Variants in GOLGA4 observed in about 807,000 individuals in gnomAD.
GOLGA4 encodes golgin subfamily A member 4.
GOLGA4 carries 169 observed loss-of-function variants against 265.9 expected under a neutral mutation model. That is an observed-to-expected ratio of 0.64 (90% CI 0.56 to 0.72). The LOEUF (loss-of-function observed/expected upper bound fraction) is 0.72. Among genes scored for constraint, GOLGA4 ranks in the 30% least tolerant of loss-of-function variants. The pLI is 0.00. For synonymous variants in GOLGA4, 923 were observed against 855.8 expected, an observed-to-expected ratio of 1.08 and a Z score of -1.37; for missense variants, 2,482 against 2,483.4, an observed-to-expected ratio of 1.00 and a Z score of 0.01.
At chr3:37,250,678 G>A (rs909985409) in intron 1 of GOLGA4, 4 of 152,068 alleles carry the variant, frequency 2.6e-5, no homozygotes, top group African/African-American at 9.7e-5. Flanking sequence ...TGGGTGTAGG[G>A]GGATTTCAAA....
chr3:37,312,932 G>GT (rs1453692584), intron 10 of GOLGA4, among the ~76,000 whole-genome samples: 2 of 152,144 alleles, frequency 1.3e-5, no homozygotes, highest in Admixed American at 1.3e-4. Flanking sequence ...AAATTGGATA[G>GT]ATTTGCTTTT....
chr3:37,315,937 C>T (rs1209121036), intron 11 of GOLGA4, among the ~76,000 whole-genome samples: 1 of 152,030 alleles, frequency 6.6e-6, no homozygotes, highest in Non-Finnish European at 1.5e-5. Flanking sequence ...AAGGTACTTG[C>T]CTAATGTGTG....
intron 4 of GOLGA4, among the ~76,000 whole-genome samples, chr3:37,288,379 G>A (rs979705189): frequency 1.1e-4 from 17 of 151,880 alleles, no homozygotes; most frequent in Admixed American, 9.8e-4. Flanking sequence ...AAAGTGCTGG[G>A]ATTACAGGCG....
chr3:37,257,961 G>A (rs9863832), intron 2 of GOLGA4, among the ~76,000 whole-genome samples: 965 of 85,260 alleles, frequency 0.011, 81 homozygotes, highest in African/African-American at 0.024. Flanking sequence ...ATGTATATAT[G>A]TATATATACA....
In GOLGA4 at chr3:37,362,780, C is replaced by CCTTTTTTTTTTTTTTTTTTTTTTTT. The variant is rs1375290747; in HGVS notation, c.*33+1475_*33+1476insCTTTTTTTTTTTTTTTTTTTTTTTT. ...CGATCTTCCTACCTCAGCCTCTAAG[C>CCTTTTTTTTTTTTTTTTTTTTTTTT]TTTTTTTTTTTTTTTTTTTTGAGAC... On this transcript the variant is annotated intron_variant, in intron 23 of 23. Transcript: ENST00000361924. 2.0e-4 allele frequency among the ~76,000 whole-genome samples: 15 copies of CCTTTTTTTTTTTTTTTTTTTTTTTT among 75,458 alleles called. 1 individual carries two copies. The highest frequency in any genetic ancestry group is 6.7e-4 in the African/African-American group (13 of 19,484). 49.5% of individuals were successfully genotyped at this position (75,458 alleles called of 152,430 possible).
chr3:37,337,059 C>A, intron 17 of GOLGA4, 84 bp from the exon 18 acceptor site: 3 of 905,726 alleles, frequency 3.3e-6, no homozygotes, highest in Non-Finnish European at 5.2e-6. Flanking sequence ...CTTCCTTTTT[C>A]CTTATATCTT....
chr3:37,275,231 A>AAC (rs2096812309), intron 2 of GOLGA4, among the ~76,000 whole-genome samples: 1 of 149,960 alleles, frequency 6.7e-6, no homozygotes, highest in African/African-American at 2.5e-5. Flanking sequence ...AAAAAAAAAA[A>AAC]AAAAAAAAAA....
At chr3:37,337,609 T>C in intron 18 of GOLGA4, 57 bp from the exon 19 acceptor site, 1 of 1,157,294 alleles carries the variant, frequency 8.6e-7, no homozygotes, top group African/African-American at 1.5e-5. Flanking sequence ...TGCAGAAATG[T>C]GTCTGGGCAA....
At chr3:37,328,905 A>G in intron 15 of GOLGA4, 58 bp from the exon 16 acceptor site, 1 of 1,349,334 alleles carries the variant, frequency 7.4e-7, no homozygotes, top group South Asian at 1.5e-5. Flanking sequence ...AAATTGAGAT[A>G]CAAATATTAA....
rs545072656 is a variant in GOLGA4, at chr3:37,244,857, C to A, written c.72+1235C>A. On this transcript the variant is annotated intron_variant, in intron 1 of 23. Coordinates refer to ENST00000361924, the MANE Select transcript of GOLGA4 (RefSeq NM_002078.5). The stretch of plus-strand genomic sequence containing the variant: ...TCCTTTTCATACCATCTATTGCAGT[C>A]ATTTACAATTTTACAAAACACTGTT... Among the ~76,000 whole-genome samples, 13 of 152,232 alleles carry A rather than the reference C, an allele frequency of 8.5e-5. No individual in the cohort carries two copies. In the South Asian group the frequency reaches 2.3e-3, roughly 27 times the overall value.
chr3:37,336,909 G>A (rs554100034), intron 17 of GOLGA4, among the ~76,000 whole-genome samples: 3 of 151,874 alleles, frequency 2.0e-5, no homozygotes, highest in African/African-American at 4.8e-5. Flanking sequence ...GCATCTTCTG[G>A]TGCTTCTGTA....
chr3:37,363,476 T>C (rs1490478156), intron 23 of GOLGA4, among the ~76,000 whole-genome samples: 2 of 152,210 alleles, frequency 1.3e-5, no homozygotes, highest in Non-Finnish European at 2.9e-5. Flanking sequence ...AATAGTACAA[T>C]GAACACCCAT....
intron 2 of GOLGA4, 109 bp downstream of exon 2, chr3:37,251,593 T>C: frequency 1.5e-6 from 1 of 648,490 alleles, no homozygotes; most frequent in South Asian, 1.9e-5. Context: ...ATTTAATTCC[T>C]AGGTAGAGTT....
At position 37,328,699 on chromosome 3, in the gene GOLGA4, A is replaced by G. The variant is rs560677039; in HGVS notation, c.6061+162A>G. ...TAATGGGAACCTGCCCTGCTTGGCA[A>G]TGACTTACCTTAAGGAGAGAGGGAG... On this transcript the variant is annotated intron_variant, in intron 15 of 23. Coordinates refer to ENST00000361924, the MANE Select transcript of GOLGA4 (RefSeq NM_002078.5). Among the ~76,000 whole-genome samples the G allele has an allele frequency of 9.2e-5, 14 of 152,280 alleles. No homozygotes were observed. The South Asian group carries it at 2.5e-3, about 27-fold the overall frequency.
chr3:37,259,975 G>A (rs1292545159), intron 2 of GOLGA4, among the ~76,000 whole-genome samples: 1 of 152,044 alleles, frequency 6.6e-6, no homozygotes, highest in Non-Finnish European at 1.5e-5. Flanking sequence ...ATTCTGTACT[G>A]GATATTTCTT....
chr3:37,291,969 G>A (rs980915578), intron 5 of GOLGA4, among the ~76,000 whole-genome samples: 6 of 151,756 alleles, frequency 4.0e-5, no homozygotes, highest in Non-Finnish European at 7.4e-5. Flanking sequence ...AACACAACAC[G>A]AATAATTATC....
chr3:37,304,307 T>A (rs977870356), intron 10 of GOLGA4, among the ~76,000 whole-genome samples: 4 of 152,360 alleles, frequency 2.6e-5, no homozygotes, highest in Admixed American at 6.5e-5. Context: ...GAGAAATAGT[T>A]GACTATTTCA....
intron 2 of GOLGA4, among the ~76,000 whole-genome samples, chr3:37,270,364 A>G (rs2096795373): frequency 6.7e-6 from 1 of 149,278 alleles, no homozygotes; most frequent in Non-Finnish European, 1.5e-5. Context: ...TGCCACCACG[A>G]CGTTTTTATA....
chr3:37,321,539 GC>G, intron 12 of GOLGA4, 191 bp from the exon 13 acceptor site: 1 of 525,340 alleles, frequency 1.9e-6, no homozygotes, highest in South Asian at 3.7e-5. Flanking sequence ...AGTAATTGTG[GC>G]AATTACCCCA....
Sources: gnomAD v4.1 joint callset for allele counts (sites outside exome capture counted in the v4.1 genomes callset) on GRCh38, gnomAD v4.1.1 for gene constraint, MANE v1.5 for transcripts, NCBI Gene and HGNC (gene_info 2026-07-23, HGNC 2026-07-21) for gene names.